CACNA1C: variants seen among roughly 807,000 people sequenced by gnomAD.
The protein encoded by CACNA1C is voltage-dependent L-type calcium channel subunit alpha-1C.
CACNA1C carries 30 observed loss-of-function variants against 229.0 expected under a neutral mutation model. The ratio of observed to expected loss-of-function variants is 0.13; its 90% confidence interval spans 0.10 to 0.18. The LOEUF (loss-of-function observed/expected upper bound fraction) is 0.18. CACNA1C is among the 10% of genes least tolerant of loss of function. The probability of loss-of-function intolerance (pLI) is 1.00; values close to 1 mark genes in which losing one functional copy is unlikely to be tolerated. For synonymous variants in CACNA1C, 1,114 were observed against 1,132.5 expected, an observed-to-expected ratio of 0.98 and a Z score of 0.33; for missense variants, 1,658 against 2,845.0, an observed-to-expected ratio of 0.58 and a Z score of 9.49.
intron 38 of CACNA1C, among the ~76,000 whole-genome samples, chr12:2,671,812 C>G (rs1189754434): frequency 6.6e-6 from 1 of 152,226 alleles, no homozygotes; most frequent in Non-Finnish European, 1.5e-5. Context: ...TACAGACTAT[C>G]TTTTAAACAC....
At chr12:2,207,382 ATAGTTC>A (rs2097782602) in intron 3 of CACNA1C, among the ~76,000 whole-genome samples, 1 of 152,208 alleles carries the variant, frequency 6.6e-6, no homozygotes, top group African/African-American at 2.4e-5. Flanking sequence ...AGTTTGTGTG[ATAGTTC>A]TACTATATAA....
At chr12:2,671,161 C>A (rs1017730678) in intron 38 of CACNA1C, among the ~76,000 whole-genome samples, 2 of 151,918 alleles carry the variant, frequency 1.3e-5, no homozygotes, top group African/African-American at 2.4e-5. Context: ...ATTACAGGCA[C>A]GTGCCACCAC....
rs372594460 is a variant in CACNA1C, at chr12:2,616,800, T to C, written c.3828+4787T>C. Among the ~76,000 whole-genome samples the C allele has an allele frequency of 6.5e-4, 99 of 152,352 alleles. 1 individual carries two copies. The South Asian group carries it at 0.019, about 30-fold the overall frequency. ...CCAGCTGCTGGCCAGACTTGCCGCC[T>C]CATGGCCTCCATGCCACTTCCGAAG... On this transcript the variant is annotated intron_variant, in intron 29 of 46. Coordinates refer to ENST00000399655, the MANE Select transcript of CACNA1C (RefSeq NM_000719.7).
At chr12:2,612,206 ACT>A in intron 29 of CACNA1C, 193 bp downstream of exon 29, 1 of 552,164 alleles carries the variant, frequency 1.8e-6, no homozygotes, top group East Asian at 3.0e-5. Flanking sequence ...TCCAGGAAAC[ACT>A]CTCAGCTCTC....
intron 10 of CACNA1C, among the ~76,000 whole-genome samples, chr12:2,555,123 A>G (rs2043377129): frequency 6.6e-6 from 1 of 152,224 alleles, no homozygotes; most frequent in South Asian, 2.1e-4. Context: ...GTAGTCCACG[A>G]CTGTGCTTGA....
intron 12 of CACNA1C, 29 bp from the exon 13 acceptor site, chr12:2,567,539 CG>C: frequency 7.0e-7 from 1 of 1,438,296 alleles, no homozygotes; most frequent in Non-Finnish European, 9.6e-7. Flanking sequence ...TGGCCCTGCT[CG>C]GATCTCATCC....
chr12:2,041,378 G>A (rs375279103), intron 1 of CACNA1C, among the ~76,000 whole-genome samples: 3 of 145,934 alleles, frequency 2.1e-5, no homozygotes, highest in East Asian at 4.1e-4. Flanking sequence ...CCAGGTTCAT[G>A]CCATTCTCCC....
At chr12:2,076,514 C>A (rs1031988527) in intron 1 of CACNA1C, among the ~76,000 whole-genome samples, 2 of 152,026 alleles carry the variant, frequency 1.3e-5, no homozygotes, top group South Asian at 2.1e-4. Context: ...CTACCTCCCC[C>A]CTCCCTTCCT....
At chr12:2,652,819 G>A (rs889654174) in intron 32 of CACNA1C, among the ~76,000 whole-genome samples, 8 of 152,244 alleles carry the variant, frequency 5.3e-5, no homozygotes, top group East Asian at 3.9e-4. Context: ...AGACACCAGC[G>A]GAAGCAGGAC....
chr12:2,091,125 A>T (rs1482071604), intron 1 of CACNA1C, among the ~76,000 whole-genome samples: 4 of 152,274 alleles, frequency 2.6e-5, no homozygotes, highest in African/African-American at 9.6e-5. Flanking sequence ...GCTTCTGCAG[A>T]GGGGGCCAGA....
At chr12:2,668,128 T>TTCCC (rs1556005801) in intron 37 of CACNA1C, among the ~76,000 whole-genome samples, 10 of 151,912 alleles carry the variant, frequency 6.6e-5, no homozygotes, top group Non-Finnish European at 1.2e-4. Flanking sequence ...ATCCTTTCTC[T>TTCCC]TCTCTGGGCT....
intron 3 of CACNA1C, among the ~76,000 whole-genome samples, chr12:2,135,565 T>A (rs60540047): frequency 5.6e-5 from 7 of 125,708 alleles, no homozygotes; most frequent in Non-Finnish European, 9.6e-5. Context: ...AGTACCCTGC[T>A]GTGAGAGGTG....
intron 10 of CACNA1C, 65 bp downstream of exon 10, chr12:2,550,098 C>G: frequency 8.9e-7 from 1 of 1,119,478 alleles, no homozygotes; most frequent in Admixed American, 2.0e-5. Flanking sequence ...AAAGCTGCAT[C>G]TGGAAATCAC....
At chr12:2,260,735 C>G (rs888092616) in intron 3 of CACNA1C, among the ~76,000 whole-genome samples, 1 of 152,158 alleles carries the variant, frequency 6.6e-6, no homozygotes, top group African/African-American at 2.4e-5. Context: ...CCTCAACATT[C>G]TTGCTCCTAA....
chr12:2,112,593 G>A (rs2082191030), intron 1 of CACNA1C, among the ~76,000 whole-genome samples: 1 of 152,202 alleles, frequency 6.6e-6, no homozygotes, highest in Non-Finnish European at 1.5e-5. Flanking sequence ...CTTGAGGAGT[G>A]GAGGCGGGGC....
intron 38 of CACNA1C, among the ~76,000 whole-genome samples, chr12:2,671,774 A>G (rs2096580185): frequency 1.3e-5 from 2 of 152,352 alleles, no homozygotes; most frequent in South Asian, 2.1e-4. Context: ...GAAGCCAGCC[A>G]TGTGGGAACT....
intron 11 of CACNA1C, among the ~76,000 whole-genome samples, chr12:2,561,650 G>A (rs532487154): frequency 3.9e-5 from 6 of 152,368 alleles, no homozygotes; most frequent in African/African-American, 1.4e-4. Flanking sequence ...GACTTGCCTT[G>A]CAGCTGGACA....
intron 42 of CACNA1C, among the ~76,000 whole-genome samples, chr12:2,680,978 A>C (rs1336111526): frequency 6.6e-6 from 1 of 152,142 alleles, no homozygotes; most frequent in African/African-American, 2.4e-5. Flanking sequence ...CTAGGCATCT[A>C]GTCTTGGGGG....
At position 2,678,968 on chromosome 12, in the gene CACNA1C, C is replaced by T. The variant is rs1382588756; in HGVS notation, c.5092-476C>T. Among the ~76,000 whole-genome samples, 1 of 152,236 alleles carries T rather than the reference C, an allele frequency of 6.6e-6. No homozygotes were observed. Among genetic ancestry groups the T allele is most frequent in the Admixed American group, 6.5e-5 (1 of 15,292 alleles). ...TTCATTTTCAAAACCGTTTGGCCAA[C>T]CAGCTTTTAGCTCTGTGAGCACACT... is the stretch of plus-strand genomic sequence containing the variant. On this transcript the variant is annotated intron_variant, in intron 41 of 46. Transcript: ENST00000399655. The surrounding 1 kb of genome is among the most constrained non-coding windows in gnomAD (Gnocchi z 4.1).
Sources: gnomAD v4.1 joint callset for allele counts (sites outside exome capture counted in the v4.1 genomes callset) on GRCh38, gnomAD v4.1.1 for gene constraint, Gnocchi (gnomAD v3.1) non-coding constraint, MANE v1.5 for transcripts, NCBI Gene and HGNC (gene_info 2026-07-23, HGNC 2026-07-21) for gene names.